HEATR5B: variants seen among roughly 807,000 people sequenced by gnomAD.
HEATR5B encodes HEAT repeat-containing protein 5B.
A neutral mutation model predicts 224.1 loss-of-function variants in HEATR5B; 156 were observed. The ratio of observed to expected loss-of-function variants is 0.70; its 90% confidence interval spans 0.61 to 0.80. HEATR5B has a LOEUF of 0.80. Ranked by LOEUF, HEATR5B falls within the 30% of genes least tolerant of loss-of-function variation. The pLI, the probability that HEATR5B is intolerant of heterozygous loss-of-function variation, is 0.00. For synonymous variants in HEATR5B, 1,027 were observed against 893.0 expected, an observed-to-expected ratio of 1.15 and a Z score of -2.68; for missense variants, 2,323 against 2,535.5, an observed-to-expected ratio of 0.92 and a Z score of 1.80.
intron 33 of HEATR5B, among the ~76,000 whole-genome samples, chr2:36,997,182 T>TTTTG (rs1259554839): frequency 1.4e-4 from 21 of 152,126 alleles, no homozygotes; most frequent in African/African-American, 4.8e-4. Flanking sequence ...AAGTTAATTT[T>TTTTG]TTTGTTTGTT....
At chr2:37,046,447 T>C (rs1670197940) in intron 18 of HEATR5B, among the ~76,000 whole-genome samples, 1 of 152,060 alleles carries the variant, frequency 6.6e-6, no homozygotes, top group South Asian at 2.1e-4. Flanking sequence ...GAGACCAGCC[T>C]GGCCAACATG....
chr2:36,981,343 G>C lies in HEATR5B; in HGVS notation c.*147C>G, dbSNP rs889397677. Reference sequence around the variant, plus strand: ...CTCCTTAAAAATCAATAAGTGGTGTGAGCATTATTTCACTTAACCTACTTG... The same window carrying C: ...CTCCTTAAAAATCAATAAGTGGTGTCAGCATTATTTCACTTAACCTACTTG... On this transcript the variant is annotated 3_prime_UTR_variant, in exon 36 of 36. Coordinates refer to ENST00000233099, the MANE Select transcript of HEATR5B (RefSeq NM_019024.3). 2.2e-5 allele frequency: 11 copies of C among 508,734 alleles called. No homozygotes were observed. The highest frequency in any genetic ancestry group is 1.6e-4 in the African/African-American group (8 of 50,546). The allele number at this position is 508,734 out of a possible 1,614,324, so 31.5% of individuals were successfully genotyped here.
chr2:36,986,729 C>T (rs1213129718), intron 35 of HEATR5B, among the ~76,000 whole-genome samples: 1 of 152,020 alleles, frequency 6.6e-6, no homozygotes, highest in South Asian at 2.1e-4. Flanking sequence ...GCAATTCTCC[C>T]GTCCAGTCTC....
At chr2:36,988,919 C>A in intron 34 of HEATR5B, 60 bp from the exon 35 acceptor site, 2 of 1,230,980 alleles carry the variant, frequency 1.6e-6, no homozygotes, top group South Asian at 1.3e-5. Flanking sequence ...GCTCTACAAT[C>A]ACATTGCATC....
intron 27 of HEATR5B, among the ~76,000 whole-genome samples, chr2:37,009,256 CAAAAAAAA>C (rs57022846): frequency 1.5e-4 from 10 of 65,670 alleles, no homozygotes; most frequent in African/African-American, 4.4e-4. Context: ...GACTCTGTCT[CAAAAAAAA>C]AAAAAAAAAA....
At chr2:37,027,872 G>A (rs2540998) in intron 24 of HEATR5B, 51 bp downstream of exon 24, 894,888 of 1,578,456 alleles carry the variant, frequency 0.57, 257,994 homozygotes, top group African/African-American at 0.82. Context: ...GCAGCAAAAT[G>A]TCTCAAGGTG....
chr2:37,083,080 C>A (rs1672712812), intron 2 of HEATR5B, among the ~76,000 whole-genome samples: 1 of 152,188 alleles, frequency 6.6e-6, no homozygotes, highest in Non-Finnish European at 1.5e-5. Flanking sequence ...TTACAATGAG[C>A]TGCCCAGGTA....
rs1027028801 is a variant in HEATR5B, at chr2:37,007,170, C to T, written c.4657G>A (p.Ala1553Thr). 1 of 1,614,060 alleles carries T rather than the reference C, an allele frequency of 6.2e-7. No individual in the cohort carries two copies. Among genetic ancestry groups the T allele is most frequent in the South Asian group, 1.1e-5 (1 of 91,080 alleles). The change falls in exon 29 of 36, where the codon GCA (alanine) becomes ACA (threonine). Residue 1553 changes from alanine (A) to threonine (T), a missense_variant. Ala to Thr is a moderately conservative substitution (Grantham distance 58). This residue lies in a region of HEATR5B where 844 missense variants were observed against 812.9 expected (regional missense o/e 1.04). Transcript: ENST00000233099. Reference sequence around the variant, plus strand: ...CGTTTTTGTAAACCAGATATTGCTGCTGCTTCTGTAGACTCTGAGCACGTA... The same window carrying T: ...CGTTTTTGTAAACCAGATATTGCTGTTGCTTCTGTAGACTCTGAGCACGTA... ...GFTCSESTEA[A>T]AISGLQKRST...
chr2:37,028,648 C>G, intron 23 of HEATR5B, 33 bp downstream of exon 23: 1 of 1,583,374 alleles, frequency 6.3e-7, no homozygotes, highest in African/African-American at 1.4e-5. Flanking sequence ...AAAACAATTT[C>G]CATTATTTTA....
Position 37,049,749 on chromosome 2 carries a change from A to C in HEATR5B, c.2600T>G (p.Ile867Ser), listed in dbSNP as rs773086609. The change falls in exon 18 of 36, where the codon ATC (isoleucine) becomes AGC (serine). Residue 867 changes from isoleucine (I) to serine (S), a missense_variant. Ile to Ser is a moderately radical substitution (Grantham distance 142). Transcript: ENST00000233099. ...AGCTTCCCCCGCTGCACAACGTAAG[A>C]TGGGGTTTGGGTTGTCCAGAGGACC... is the stretch of plus-strand genomic sequence containing the variant. ...VMGPLDNPNP[I>S]LRCAAGEALG... 1 of 1,587,562 alleles carries C rather than the reference A, an allele frequency of 6.3e-7. No individual in the cohort carries two copies. Among genetic ancestry groups the C allele is most frequent in the Non-Finnish European group, 8.6e-7 (1 of 1,165,704 alleles).
intron 35 of HEATR5B, among the ~76,000 whole-genome samples, chr2:36,985,621 C>CTT (rs558499229): frequency 3.4e-4 from 31 of 92,294 alleles, no homozygotes; most frequent in Admixed American, 4.7e-4. Flanking sequence ...CCACTCCTGG[C>CTT]TTTTTTTTTT....
chr2:36,990,682 C>A lies in HEATR5B; in HGVS notation c.5663G>T (p.Arg1888Ile). The A allele has an allele frequency of 6.2e-7, 1 of 1,603,268 alleles. No individual in the cohort carries two copies. Among genetic ancestry groups the A allele is most frequent in the Non-Finnish European group, 8.5e-7 (1 of 1,174,810 alleles). ...GCATGAATTTAATGCATTTTTAAAT[C>A]TGTTCATGCAGCCATTCTGTAATGA... ...VQSLQNGCMNRFKNALNSCDP... is the reference protein window; with the variant it reads ...VQSLQNGCMNIFKNALNSCDP... Residue 1888 changes from arginine (R) to isoleucine (I), a missense_variant, in exon 34 of 36, where the codon AGA becomes ATA. Arg to Ile is a moderately conservative substitution (Grantham distance 97). This residue lies in a region of HEATR5B where 844 missense variants were observed against 812.9 expected (regional missense o/e 1.04). Transcript: ENST00000233099.
Position 37,000,817 on chromosome 2 carries a change from A to C in HEATR5B, c.5318-4T>G. 6.4e-7 allele frequency: 1 copy of C among 1,574,288 alleles called. No homozygotes were observed. Among genetic ancestry groups the C allele is most frequent in the Non-Finnish European group, 8.7e-7 (1 of 1,144,078 alleles). Reference sequence around the variant, plus strand: ...GTGGGCAGGATTGTCATACATCCTGAAAGAAAAACAAATCAGATCACCTCA... The same window carrying C: ...GTGGGCAGGATTGTCATACATCCTGCAAGAAAAACAAATCAGATCACCTCA... On this transcript the variant is annotated splice_region_variant and splice_polypyrimidine_tract_variant and intron_variant, in intron 32 of 35. Transcript: ENST00000233099.
chr2:37,005,632 C>G lies in HEATR5B; in HGVS notation c.4905G>C (p.Gln1635His). 1 of 1,613,414 alleles carries G rather than the reference C, an allele frequency of 6.2e-7. No individual in the cohort carries two copies. The highest frequency in any genetic ancestry group is 8.5e-7 in the Non-Finnish European group (1 of 1,179,530). The change falls in exon 30 of 36, where the codon CAG becomes CAC. Residue 1635 changes from glutamine (Q) to histidine (H), a missense_variant and splice_region_variant. Coordinates refer to ENST00000233099, the MANE Select transcript of HEATR5B (RefSeq NM_019024.3). ...PYARVHIAED[Q>H]LIGVELLSVL... ...TATCTATCATAGCAATACACTGTAC[C>G]TGATCTTCTGCAATATGGACTCGAG...
intron 35 of HEATR5B, among the ~76,000 whole-genome samples, chr2:36,982,863 T>TACACACACAC (rs3836070): frequency 0.05 from 6,249 of 125,986 alleles, 331 homozygotes; most frequent in East Asian, 0.11. Context: ...CAGACACAGA[T>TACACACACAC]ACACACACAC....
intron 4 of HEATR5B, 154 bp from the exon 5 acceptor site, chr2:37,075,788 AAGTAC>A: frequency 2.1e-6 from 1 of 481,622 alleles, no homozygotes; most frequent in South Asian, 4.4e-5. Flanking sequence ...GTATTCTAGA[AAGTAC>A]CTGGCAAGTA....
intron 35 of HEATR5B, among the ~76,000 whole-genome samples, chr2:36,986,851 A>T (rs2148322923): frequency 6.6e-6 from 1 of 152,234 alleles, no homozygotes; most frequent in East Asian, 1.9e-4. Context: ...TCCTGATCTC[A>T]GATGATCTGC....
Position 37,020,727 on chromosome 2 carries a change from A to C in HEATR5B, c.3963T>G (p.Ile1321Met). 2 of 1,609,814 alleles carry C rather than the reference A, an allele frequency of 1.2e-6. No homozygotes were observed. Among genetic ancestry groups the C allele is most frequent in the Non-Finnish European group, 1.7e-6 (2 of 1,179,164 alleles). The change falls in exon 25 of 36, where the codon ATT (isoleucine) becomes ATG (methionine). Residue 1321 changes from isoleucine to methionine, a missense_variant. Physicochemically the swap from Ile to Met is conservative, Grantham distance 10. Coordinates refer to ENST00000233099, the MANE Select transcript of HEATR5B (RefSeq NM_019024.3). ...CAGGCACAGACGCAAACTTCTTGAT[A>C]ATGTCTTCAAGCGCCTGGAGCCCAG... ...RMAGLQALEDIIKKFASVPEP... is the reference protein window; with the variant it reads ...RMAGLQALEDMIKKFASVPEP...
Position 37,037,979 on chromosome 2 carries a change from C to T in HEATR5B, c.3092G>A (p.Gly1031Asp), listed in dbSNP as rs1669607228. The T allele has an allele frequency of 6.3e-7, 1 of 1,592,996 alleles. No homozygotes were observed. Among genetic ancestry groups the T allele is most frequent in the Non-Finnish European group, 8.6e-7 (1 of 1,167,290 alleles). ...TSTIRSSCLV[G>D]CAITQDHSDS... ...TGAATGGTCTTGTGTTATTGCACAA[C>T]CCACCAAACAAGAGGAACGAATTGT... The change falls in exon 21 of 36, where the codon GGT (glycine) becomes GAT (aspartate). Residue 1031 changes from glycine (G) to aspartate (D), a missense_variant. By Grantham distance (94) the Gly-to-Asp change is moderately conservative (BLOSUM62 -1). Transcript: ENST00000233099.
Sources: gnomAD v4.1 joint callset for allele counts (sites outside exome capture counted in the v4.1 genomes callset) on GRCh38, gnomAD v4.1.1 for gene constraint, gnomAD v4.1.1 regional missense constraint, MANE v1.5 for transcripts, NCBI Gene and HGNC (gene_info 2026-07-23, HGNC 2026-07-21) for gene names.